The following VPS13B variants were observed in gnomAD, a reference collection of about 807,000 sequenced individuals.
VPS13B encodes the protein vacuolar protein sorting 13 homolog B.
VPS13B carries 285 observed loss-of-function variants against 426.4 expected under a neutral mutation model. That is an observed-to-expected ratio of 0.67 (90% CI 0.61 to 0.74). The LOEUF (loss-of-function observed/expected upper bound fraction) is 0.74, where lower values mean the gene tolerates loss of function less well. Among genes scored for constraint, VPS13B ranks in the 30% least tolerant of loss-of-function variants. The probability of loss-of-function intolerance (pLI) is 0.00; values close to 1 mark genes in which losing one functional copy is unlikely to be tolerated. For synonymous variants in VPS13B, 1,676 were observed against 1,676.4 expected (o/e 1.00, Z 0.01); for missense variants, 4,537 against 4,782.6 (o/e 0.95, Z 1.51).
At chr8:99,348,328 CA>C (rs1478603391) in intron 19 of VPS13B, 2 of 152,134 alleles carry the variant, frequency 1.3e-5, no homozygotes, top group East Asian at 1.9e-4. Flanking sequence ...CTATTTCGTA[CA>C]AAAATCAATT....
chr8:99,207,650 ATG>A (rs1411515527), intron 17 of VPS13B, among the ~76,000 whole-genome samples: 1 of 152,210 alleles, frequency 6.6e-6, no homozygotes, highest in Admixed American at 6.5e-5. Context: ...CATCATAAAA[ATG>A]TGTCAATAAA....
chr8:99,028,914 G>A (rs1289574138), intron 2 of VPS13B, among the ~76,000 whole-genome samples: 1 of 112,772 alleles, frequency 8.9e-6, no homozygotes, highest in African/African-American at 3.5e-5. Context: ...GGTGGCTGCC[G>A]GGCGGAGACG....
chr8:99,856,566 C>T (rs1016823956), intron 56 of VPS13B, among the ~76,000 whole-genome samples: 1 of 152,188 alleles, frequency 6.6e-6, no homozygotes, highest in African/African-American at 2.4e-5. Flanking sequence ...ACAGGCCGGG[C>T]GCAGTGGCTC....
intron 23 of VPS13B, among the ~76,000 whole-genome samples, chr8:99,463,098 T>C (rs774538480): frequency 1.3e-5 from 2 of 152,072 alleles, no homozygotes; most frequent in African/African-American, 4.8e-5. Flanking sequence ...CAATTTACCC[T>C]AAGTCACACA....
At chr8:99,614,521 G>T (rs906729475) in intron 33 of VPS13B, among the ~76,000 whole-genome samples, 1 of 151,872 alleles carries the variant, frequency 6.6e-6, no homozygotes, top group African/African-American at 2.4e-5. Flanking sequence ...CAAGTGATCC[G>T]CCCACCTCGG....
At chr8:99,717,492 C>G (rs1832971090) in intron 37 of VPS13B, 119 bp downstream of exon 37, 3 of 930,878 alleles carry the variant, frequency 3.2e-6, no homozygotes, top group Non-Finnish European at 5.1e-6. Context: ...TGTCAGATTG[C>G]TACTTGTTAA....
At chr8:99,726,296 A>G (rs1169643959) in intron 39 of VPS13B, among the ~76,000 whole-genome samples, 1 of 152,226 alleles carries the variant, frequency 6.6e-6, no homozygotes, top group Admixed American at 6.5e-5. Flanking sequence ...AGATCTCAAT[A>G]AAATTAGCAT....
At chr8:99,551,041 C>T (rs540050578) in intron 30 of VPS13B, among the ~76,000 whole-genome samples, 1 of 151,934 alleles carries the variant, frequency 6.6e-6, no homozygotes, top group East Asian at 1.9e-4. Flanking sequence ...TAAATGTTCA[C>T]CTCATCACAC....
At chr8:99,312,058 ATGT>A (rs1211299942) in intron 19 of VPS13B, among the ~76,000 whole-genome samples, 1 of 152,088 alleles carries the variant, frequency 6.6e-6, no homozygotes, top group African/African-American at 2.4e-5. Flanking sequence ...TTTTGAGCCT[ATGT>A]GGGTCTCTGC....
intron 25 of VPS13B, among the ~76,000 whole-genome samples, chr8:99,489,701 GT>G (rs1820499082): frequency 6.6e-6 from 1 of 152,130 alleles, no homozygotes; most frequent in Non-Finnish European, 1.5e-5. Flanking sequence ...TTGGCTCTCT[GT>G]TTGTCTGTTA....
At chr8:99,144,594 T>C (rs923191139) in intron 13 of VPS13B, among the ~76,000 whole-genome samples, 1 of 152,142 alleles carries the variant, frequency 6.6e-6, no homozygotes, top group Non-Finnish European at 1.5e-5. Flanking sequence ...TAGGACCTAC[T>C]TCCAATGATT....
chr8:99,611,911 T>C (rs1285731048), intron 33 of VPS13B, among the ~76,000 whole-genome samples: 1 of 152,102 alleles, frequency 6.6e-6, no homozygotes, highest in Admixed American at 6.6e-5. Flanking sequence ...ATGATAAAGA[T>C]GAAAATGATG....
Position 99,720,985 on chromosome 8 carries a change from G to T in VPS13B, c.6988G>T (p.Val2330Leu). The change falls in exon 39 of 62, where the codon GTA (valine) becomes TTA (leucine). Residue 2330 changes from valine to leucine, a missense_variant. Around this residue, in one of 2 missense-constraint regions of VPS13B, gnomAD observed 4,311 missense variants for 4,474.3 expected, o/e 0.96. Transcript: ENST00000357162. The part of the protein sequence containing the change: ...RVLTLVRITP[V>L]PFNTTEDPDI... ...ACTCACCCTTGTACGAATAACTCCT[G>T]TACCTTTTAACACCACAGAGGATCC... The T allele has an allele frequency of 6.2e-7, 1 of 1,613,956 alleles. No individual in the cohort carries two copies. Among genetic ancestry groups the T allele is most frequent in the Non-Finnish European group, 8.5e-7 (1 of 1,179,940 alleles).
intron 23 of VPS13B, among the ~76,000 whole-genome samples, chr8:99,459,136 G>A (rs957441291): frequency 2.6e-5 from 4 of 151,930 alleles, no homozygotes; most frequent in Non-Finnish European, 4.4e-5. Context: ...TTTTTTTAAC[G>A]TCTAGCATAT....
intron 17 of VPS13B, among the ~76,000 whole-genome samples, chr8:99,266,446 C>T (rs760469434): frequency 1.7e-4 from 26 of 151,918 alleles, no homozygotes; most frequent in South Asian, 6.2e-4. Flanking sequence ...TTTAATGGTG[C>T]ACCACAGGAC....
At chr8:99,505,339 C>T (rs1002404729) in intron 27 of VPS13B, among the ~76,000 whole-genome samples, 1 of 152,184 alleles carries the variant, frequency 6.6e-6, no homozygotes, top group Non-Finnish European at 1.5e-5. Context: ...TTTTGATATG[C>T]CTTCCTCACT....
intron 33 of VPS13B, among the ~76,000 whole-genome samples, chr8:99,621,959 G>A (rs1200340386): frequency 1.3e-5 from 2 of 150,040 alleles, no homozygotes; most frequent in African/African-American, 4.9e-5. Flanking sequence ...TCACGCTCCC[G>A]AGTAGCTGGG....
chr8:99,391,732 A>G (rs780350933), intron 21 of VPS13B, 28 bp downstream of exon 21: 2 of 1,611,560 alleles, frequency 1.2e-6, no homozygotes, highest in Non-Finnish European at 1.7e-6. Context: ...TAAAGGGACT[A>G]TGATTGTACT....
rs183915100 is a variant in VPS13B at position 99,470,439 on chromosome 8, G to A, written c.3666+2805G>A. Among the ~76,000 whole-genome samples, 962 of 151,888 alleles carry A rather than the reference G, an allele frequency of 6.3e-3. 8 individuals are homozygous for A. The highest frequency in any genetic ancestry group is 0.022 in the African/African-American group (903 of 41,422). ...TGAAAAGGCAATAAATCTCAATTGA[G>A]GAATAAAAAGTATAAAAAGAGTCAA... On this transcript the variant is annotated intron_variant, in intron 24 of 61. Coordinates refer to ENST00000357162, the MANE Select transcript of VPS13B (RefSeq NM_152564.5).
Sources: gnomAD v4.1 joint callset for allele counts (sites outside exome capture counted in the v4.1 genomes callset) on GRCh38, gnomAD v4.1.1 for gene constraint, gnomAD v4.1.1 regional missense constraint, MANE v1.5 for transcripts, NCBI Gene and HGNC (gene_info 2026-07-23, HGNC 2026-07-21) for gene names.